The following CCR5AS variants were observed in gnomAD, a reference collection of about 807,000 sequenced individuals.
CCR5AS encodes CCR5 antisense RNA.
At chr3:46,387,333 C>T (rs1465040567) in intron 2 of CCR5AS, among the ~76,000 whole-genome samples, 3 of 152,194 alleles carry the variant, frequency 2.0e-5, no homozygotes, top group Non-Finnish European at 2.9e-5. Flanking sequence ...TCCACATGTC[C>T]GGTAGTTCCT....
chr3:46,396,260 GA>G (rs1701961121), intron 1 of CCR5AS, among the ~76,000 whole-genome samples: 1 of 152,138 alleles, frequency 6.6e-6, no homozygotes, highest in African/African-American at 2.4e-5. Flanking sequence ...CTGACCCTGT[GA>G]AAACTGGGCA....
chr3:46,402,962 G>A (rs746699555), intron 1 of CCR5AS, among the ~76,000 whole-genome samples: 1 of 152,050 alleles, frequency 6.6e-6, no homozygotes, highest in Non-Finnish European at 1.5e-5. Context: ...TCATCATTTA[G>A]CTCCCACTTA....
chr3:46,389,027 A>G (rs1006984266), intron 2 of CCR5AS, among the ~76,000 whole-genome samples: 1 of 152,120 alleles, frequency 6.6e-6, no homozygotes, highest in Non-Finnish European at 1.5e-5. Context: ...AGTCATTGAG[A>G]ATGGTGAATA....
chr3:46,372,972 A>G, intron 2 of CCR5AS: 4 of 1,613,502 alleles, frequency 2.5e-6, no homozygotes, highest in Non-Finnish European at 3.4e-6. Flanking sequence ...CCAAAAAATC[A>G]ATGTGAAGCA....
intron 2 of CCR5AS, chr3:46,373,352 G>T (rs1429352792): frequency 6.2e-7 from 1 of 1,614,126 alleles, no homozygotes; most frequent in Non-Finnish European, 8.5e-7. Flanking sequence ...TGACAAGTGT[G>T]ATCACTTGGG....
intron 2 of CCR5AS, among the ~76,000 whole-genome samples, chr3:46,382,230 G>C (rs979323592): frequency 6.6e-6 from 1 of 152,248 alleles, no homozygotes; most frequent in African/African-American, 2.4e-5. Context: ...GCACGGGCCA[G>C]GTAGAGAACC....
chr3:46,400,809 G>A (rs1306740097), intron 1 of CCR5AS, among the ~76,000 whole-genome samples: 2 of 152,226 alleles, frequency 1.3e-5, no homozygotes, highest in East Asian at 1.9e-4. Context: ...TAGCAGTGAG[G>A]TGGAGCAGAG....
intron 2 of CCR5AS, among the ~76,000 whole-genome samples, chr3:46,384,241 G>A (rs988086456): frequency 2.0e-5 from 3 of 152,210 alleles, no homozygotes; most frequent in Non-Finnish European, 2.9e-5. Flanking sequence ...TGTTTACATA[G>A]CATACAAAGA....
chr3:46,384,340 G>T (rs1575283838), intron 2 of CCR5AS, among the ~76,000 whole-genome samples: 1 of 152,312 alleles, frequency 6.6e-6, no homozygotes, highest in East Asian at 1.9e-4. Flanking sequence ...TGTACACGTG[G>T]TTGACAAAGA....
chr3:46,372,615 C>T, intron 2 of CCR5AS: 1 of 234,122 alleles, frequency 4.3e-6, no homozygotes, highest in East Asian at 9.9e-5. Context: ...TCATTCACTC[C>T]ATGGTGCTAT....
At chr3:46,372,803 C>A in intron 2 of CCR5AS, 1 of 889,332 alleles carries the variant, frequency 1.1e-6, no homozygotes, top group South Asian at 1.8e-5. Flanking sequence ...AATTAAAAAC[C>A]TATTGATGTA....
chr3:46,392,491 T>C (rs928740380), intron 2 of CCR5AS, among the ~76,000 whole-genome samples: 17 of 152,180 alleles, frequency 1.1e-4, no homozygotes, highest in Admixed American at 9.2e-4. Context: ...TGAGCAGCCC[T>C]GGGCTGTCAT....
intron 1 of CCR5AS, among the ~76,000 whole-genome samples, chr3:46,403,178 T>A (rs1702017585): frequency 6.6e-6 from 1 of 152,252 alleles, no homozygotes; most frequent in Non-Finnish European, 1.5e-5. Flanking sequence ...TCTTTGCTAC[T>A]GTGAATAGTG....
At chr3:46,369,137 C>T (rs1701630382) in intron 3 of CCR5AS, among the ~76,000 whole-genome samples, 1 of 152,202 alleles carries the variant, frequency 6.6e-6, no homozygotes, top group Non-Finnish European at 1.5e-5. Context: ...CCAAAAGGCT[C>T]TACACTTGTT....
At chr3:46,398,930 G>T (rs774274544) in intron 1 of CCR5AS, among the ~76,000 whole-genome samples, 6 of 152,150 alleles carry the variant, frequency 3.9e-5, no homozygotes, top group African/African-American at 1.4e-4. Context: ...ATGTTTCAAC[G>T]TTTTGATGTA....
intron 2 of CCR5AS, chr3:46,373,662 G>T (rs759344760): frequency 6.2e-7 from 1 of 1,614,082 alleles, no homozygotes; most frequent in Non-Finnish European, 8.5e-7. Flanking sequence ...CTACAACATT[G>T]TCCTTCTCCT....
intron 3 of CCR5AS, among the ~76,000 whole-genome samples, chr3:46,367,153 T>C (rs1701607240): frequency 6.6e-6 from 1 of 152,144 alleles, no homozygotes; most frequent in Admixed American, 6.5e-5. Flanking sequence ...AGAGTGGCCC[T>C]TACCTCTGGG....
intron 1 of CCR5AS, among the ~76,000 whole-genome samples, chr3:46,405,305 T>G (rs554216848): frequency 4.6e-5 from 7 of 152,332 alleles, no homozygotes; most frequent in Non-Finnish European, 8.8e-5. Flanking sequence ...ACACCTCACA[T>G]GATTCTGTGT....
intron 2 of CCR5AS, chr3:46,373,211 C>G (rs56068070): frequency 3.8e-5 from 61 of 1,614,212 alleles, no homozygotes; most frequent in Non-Finnish European, 5.2e-5. Context: ...TGTGTCAACT[C>G]TTGACAGGGC....
Sources: allele counts gnomAD v4.1 joint callset (sites outside exome capture counted in the v4.1 genomes callset), GRCh38; gene constraint gnomAD v4.1.1; transcripts MANE v1.5; gene names NCBI Gene and HGNC (gene_info 2026-07-23, HGNC 2026-07-21).